Variants in PMM2 observed in about 807,000 individuals in gnomAD.
PMM2 encodes mannose-6-phosphate isomerase.
Under a neutral mutation model 33.2 loss-of-function variants are expected in PMM2, and 35 were observed. That is an observed-to-expected ratio of 1.06 (90% confidence interval 0.81 to 1.40). The LOEUF (loss-of-function observed/expected upper bound fraction) is 1.40. Among genes scored for constraint, PMM2 ranks in the 40% most tolerant of loss-of-function variants. The pLI, the probability that PMM2 is intolerant of heterozygous loss-of-function variation, is 0.00. For missense variants in PMM2, 386 were observed against 306.0 expected (o/e 1.26, Z -1.95); for synonymous variants, 153 against 114.7 (o/e 1.33, Z -2.13).
At position 8,820,348 on chromosome 16, in the gene PMM2, C is replaced by CTTTTTT. The variant is rs1451905873; in HGVS notation, c.639+7244_639+7245insTTTTTT. On this transcript the variant is annotated intron_variant, in intron 7 of 7. Coordinates refer to ENST00000268261, the MANE Select transcript of PMM2 (RefSeq NM_000303.3). Reference sequence around the variant, plus strand: ...TCGTCAGCCCAGTGAGGACACAGTTCTTCTTTTTTTTTTTTTTTTTCCTGA... The same window carrying CTTTTTT: ...TCGTCAGCCCAGTGAGGACACAGTTCTTTTTTTTCTTTTTTTTTTTTTTTTTCCTGA... Among the ~76,000 whole-genome samples, 166 of 131,322 alleles carry CTTTTTT rather than the reference C, an allele frequency of 1.3e-3. 1 individual carries two copies. Among genetic ancestry groups the CTTTTTT allele is most frequent in the Non-Finnish European group, 1.7e-3 (108 of 65,354 alleles). The allele number at this position is 131,322 out of a possible 152,430, so 86.2% of individuals were successfully genotyped here. A position where few individuals can be genotyped will look rare whatever the true frequency, so the allele number is the denominator to read the frequency against.
chr16:8,839,047 C>T (rs1456395844), intron 7 of PMM2, among the ~76,000 whole-genome samples: 3 of 151,710 alleles, frequency 2.0e-5, no homozygotes, highest in East Asian at 3.9e-4. Flanking sequence ...AGACAGGCTA[C>T]GGAAGGTCAT....
At chr16:8,832,053 C>T in intron 7 of PMM2, 1 of 743,886 alleles carries the variant, frequency 1.3e-6, no homozygotes, top group Non-Finnish European at 1.6e-6. Context: ...GTTCTCTAGC[C>T]TTATTATTCT....
intron 7 of PMM2, chr16:8,832,254 T>A (rs776292185): frequency 6.1e-6 from 6 of 985,210 alleles, no homozygotes; most frequent in African/African-American, 1.7e-5. Flanking sequence ...GCAGGTTGTG[T>A]TTGTGATGCA....
intron 7 of PMM2, among the ~76,000 whole-genome samples, chr16:8,841,098 T>G (rs893559490): frequency 6.6e-6 from 1 of 152,014 alleles, no homozygotes; most frequent in Admixed American, 6.5e-5. Flanking sequence ...CAATCCTTTT[T>G]AAGTTGGAGG....
chr16:8,820,850 G>A (rs1449544629), intron 7 of PMM2, among the ~76,000 whole-genome samples: 1 of 152,194 alleles, frequency 6.6e-6, no homozygotes, highest in African/African-American at 2.4e-5. Flanking sequence ...TAAGAGATTG[G>A]AGCCTGCCAA....
intron 7 of PMM2, among the ~76,000 whole-genome samples, chr16:8,813,851 CTT>C (rs2060691698): frequency 7.5e-6 from 1 of 132,916 alleles, no homozygotes; most frequent in Admixed American, 8.4e-5. Flanking sequence ...AGCTCCTTTT[CTT>C]TCTCTTTTTT....
At chr16:8,813,970 A>C (rs1051499488) in intron 7 of PMM2, among the ~76,000 whole-genome samples, 1 of 146,550 alleles carries the variant, frequency 6.8e-6, no homozygotes, top group Admixed American at 7.1e-5. Context: ...AGGTTCAAGC[A>C]ATCCTTGTGC....
At chr16:8,826,178 G>C (rs935282083) in intron 7 of PMM2, among the ~76,000 whole-genome samples, 5 of 151,884 alleles carry the variant, frequency 3.3e-5, no homozygotes, top group Non-Finnish European at 5.9e-5. Context: ...CTCACACACA[G>C]AGTTGTTCAC....
intron 2 of PMM2, among the ~76,000 whole-genome samples, chr16:8,803,382 G>A (rs956963036): frequency 4.6e-5 from 7 of 152,310 alleles, no homozygotes; most frequent in African/African-American, 1.7e-4. Context: ...GCATCTAGTT[G>A]TGTATTTAAC....
chr16:8,827,808 A>ATT (rs1555451090), intron 7 of PMM2, among the ~76,000 whole-genome samples: 1 of 100,668 alleles, frequency 9.9e-6, no homozygotes, highest in African/African-American at 4.0e-5. Flanking sequence ...ACATATTTAT[A>ATT]TATTTATATA....
intron 3 of PMM2, among the ~76,000 whole-genome samples, chr16:8,805,738 C>T (rs546540751): frequency 6.6e-6 from 1 of 152,154 alleles, no homozygotes; most frequent in African/African-American, 2.4e-5. Flanking sequence ...TACAGGCATC[C>T]ACCAGCATGC....
chr16:8,797,944 G>A lies in PMM2; in HGVS notation c.62G>A (p.Arg21Gln). ...FDVDGTLTAP[R>Q]QKITKEMDDF... ...GTGGATGGGACCCTCACCGCCCCGCGGCAGGTAAGTGGCGGCCGGCGGGCT... is the reference window on the plus strand; with the variant it reads ...GTGGATGGGACCCTCACCGCCCCGCAGCAGGTAAGTGGCGGCCGGCGGGCT... Residue 21 changes from arginine (R) to glutamine (Q), a missense_variant, in exon 1 of 8, where the codon CGG becomes CAG. By Grantham distance (43) the Arg-to-Gln change is conservative (BLOSUM62 1). Transcript: ENST00000268261. 1 of 1,605,376 alleles carries A rather than the reference G, an allele frequency of 6.2e-7. No homozygotes were observed. Among genetic ancestry groups the A allele is most frequent in the Non-Finnish European group, 8.5e-7 (1 of 1,176,630 alleles).
At position 8,847,945 on chromosome 16, in the gene PMM2, T is replaced by C. The variant is rs2060939239; in HGVS notation, c.*120T>C. 5 of 729,384 alleles carry C rather than the reference T, an allele frequency of 6.9e-6. No individual in the cohort carries two copies. The highest frequency in any genetic ancestry group is 9.6e-6 in the Non-Finnish European group (4 of 414,548). 45.2% of individuals were successfully genotyped at this position (729,384 alleles called of 1,614,324 possible). A position where few individuals can be genotyped will look rare whatever the true frequency, so the allele number is the denominator to read the frequency against. ...CGCAGCCTAGGCAGGCTCTGCATGC[T>C]ATGCCAGGCATGTGCAGTCTGGACT... On this transcript the variant is annotated 3_prime_UTR_variant, in exon 8 of 8. Coordinates refer to ENST00000268261, the MANE Select transcript of PMM2 (RefSeq NM_000303.3).
chr16:8,843,252 C>T (rs956658920), intron 7 of PMM2, among the ~76,000 whole-genome samples: 4 of 152,050 alleles, frequency 2.6e-5, no homozygotes, highest in African/African-American at 4.8e-5. Flanking sequence ...GTCCCCGTTT[C>T]GATTAAACAG....
Position 8,813,098 on chromosome 16 carries a change from A to G in PMM2, c.631A>G (p.Thr211Ala), listed in dbSNP as rs778014016. 12 of 1,581,042 alleles carry G rather than the reference A, an allele frequency of 7.6e-6. No homozygotes were observed. Among genetic ancestry groups the G allele is most frequent in the Admixed American group, 1.7e-5 (1 of 59,978 alleles). Residue 211 changes from threonine (T) to alanine (A), a missense_variant, in exon 7 of 8, where the codon ACT (threonine) becomes GCT (alanine). Physicochemically the swap from Thr to Ala is moderately conservative, Grantham distance 58. Coordinates refer to ENST00000268261, the MANE Select transcript of PMM2 (RefSeq NM_000303.3). The part of the protein sequence containing the change: ...YKTIYFFGDK[T>A]MPGGNDHEIF... ...GACCATTTATTTCTTTGGAGACAAA[A>G]CTATGCCAGTAAGTAGAGAAGTGTT...
chr16:8,800,843 C>T (rs1270484639), intron 1 of PMM2, among the ~76,000 whole-genome samples: 1 of 152,056 alleles, frequency 6.6e-6, no homozygotes, highest in East Asian at 1.9e-4. Flanking sequence ...ACCAGCGCGC[C>T]CGCCTAATTT....
chr16:8,825,681 T>G (rs1244131329), intron 7 of PMM2, among the ~76,000 whole-genome samples: 1 of 152,086 alleles, frequency 6.6e-6, no homozygotes, highest in East Asian at 1.9e-4. Context: ...GACTGTAGGG[T>G]AACATTTTCG....
At chr16:8,802,736 A>G (rs1197988993) in intron 2 of PMM2, among the ~76,000 whole-genome samples, 2 of 152,016 alleles carry the variant, frequency 1.3e-5, no homozygotes, top group African/African-American at 2.4e-5. Flanking sequence ...AGGCCGAGGC[A>G]GGAGAATTGC....
chr16:8,806,315 G>C lies in PMM2; in HGVS notation c.256-1G>C, dbSNP rs757394782. Reference sequence around the variant, plus strand: ...GTAACTCAAGTATTTTCTTCATCTAGAATATTCAAAGTCATCTGGGTGAGG... The same window carrying C: ...GTAACTCAAGTATTTTCTTCATCTACAATATTCAAAGTCATCTGGGTGAGG... On this transcript the variant is annotated splice_acceptor_variant, in intron 3 of 7. Transcript: ENST00000268261. LOFTEE classifies it high-confidence loss of function. The C allele has an allele frequency of 3.8e-6, 6 of 1,580,876 alleles. No homozygotes were observed. The highest frequency in any genetic ancestry group is 2.6e-6 in the Non-Finnish European group (3 of 1,149,706).
Sources: gnomAD v4.1 joint callset for allele counts (sites outside exome capture counted in the v4.1 genomes callset) on GRCh38, gnomAD v4.1.1 for gene constraint, MANE v1.5 for transcripts, NCBI Gene and HGNC (gene_info 2026-07-23, HGNC 2026-07-21) for gene names.